HEATR4: variants seen among roughly 807,000 people sequenced by gnomAD.
HEATR4 encodes HEAT repeat-containing protein 4.
Under a neutral mutation model 108.8 loss-of-function variants are expected in HEATR4, and 95 were observed. The observed-to-expected ratio is 0.87, with a 90% CI of 0.74 to 1.04. The LOEUF (loss-of-function observed/expected upper bound fraction) is 1.04. Ranked by LOEUF, HEATR4 falls within the 50% of genes least tolerant of loss-of-function variation. The pLI, the probability that HEATR4 is intolerant of heterozygous loss-of-function variation, is 0.00. For synonymous variants in HEATR4, 443 were observed against 459.4 expected, an observed-to-expected ratio of 0.96 and a Z score of 0.46; for missense variants, 1,152 against 1,253.8, an observed-to-expected ratio of 0.92 and a Z score of 1.23.
intron 15 of HEATR4, among the ~76,000 whole-genome samples, chr14:73,495,607 G>T (rs1211350320): frequency 6.6e-6 from 1 of 151,674 alleles, no homozygotes; most frequent in Non-Finnish European, 1.5e-5. Context: ...GTAACTAATT[G>T]CATATGCTTA....
At chr14:73,595,286 G>A in the HEATR4 span, 48 of 1,614,072 alleles carry the variant, frequency 3.0e-5, no homozygotes, top group Non-Finnish European at 3.6e-5. Context: ...GAATGCTCTC[G>A]TAGGAGGGTA....
the HEATR4 span, among the ~76,000 whole-genome samples, chr14:73,587,423 G>A: frequency 6.6e-6 from 1 of 151,840 alleles, no homozygotes; most frequent in African/African-American, 2.4e-5. Flanking sequence ...TGCCATCTTG[G>A]TTCACTGCCA....
At chr14:73,491,799 A>C in intron 17 of HEATR4, 1 of 1,595,294 alleles carries the variant, frequency 6.3e-7, no homozygotes, top group Non-Finnish European at 8.5e-7. Flanking sequence ...TTCGGCCAGC[A>C]TTTGGACGCC....
At position 73,532,774 on chromosome 14, in the gene HEATR4, A is replaced by G. The variant is rs1297503562; in HGVS notation, c.-151-2530T>C. On this transcript the variant is annotated intron_variant, in intron 1 of 17. Coordinates refer to ENST00000553558, the MANE Select transcript of HEATR4 (RefSeq NM_001220484.1). ...TTGAAACCATCCTAGCTAACACAGT[A>G]AAACCCCATCTCTACTAAAACATAC... 1.0e-3 allele frequency among the ~76,000 whole-genome samples: 118 copies of G among 113,458 alleles called. 23 individuals are homozygous for G. Among genetic ancestry groups the G allele is most frequent in the African/African-American group, 2.6e-3 (91 of 34,940 alleles). 74.4% of individuals were successfully genotyped at this position (113,458 alleles called of 152,430 possible). A position where few individuals can be genotyped will look rare whatever the true frequency, so the allele number is the denominator to read the frequency against.
At chr14:73,586,020 C>G in the HEATR4 span, among the ~76,000 whole-genome samples, 1 of 133,768 alleles carries the variant, frequency 7.5e-6, no homozygotes, top group Non-Finnish European at 1.6e-5. Flanking sequence ...AAAAAAAAAA[C>G]CAAAAAAAAA....
intron 4 of HEATR4, 39 bp downstream of exon 4, chr14:73,520,813 T>TC (rs770443828): frequency 1.3e-6 from 2 of 1,566,982 alleles, no homozygotes; most frequent in South Asian, 2.3e-5. Context: ...CTGGCCCATG[T>TC]CCCCGTGTGC....
intron 17 of HEATR4, among the ~76,000 whole-genome samples, chr14:73,486,272 C>A (rs1402008876): frequency 6.6e-6 from 1 of 152,196 alleles, no homozygotes; most frequent in African/African-American, 2.4e-5. Flanking sequence ...TGCTAAATGA[C>A]CCCTGGGGGT....
At chr14:73,585,781 G>GA in the HEATR4 span, among the ~76,000 whole-genome samples, 47,987 of 140,930 alleles carry the variant, frequency 0.34, 9,379 homozygotes, top group East Asian at 0.64. Context: ...GGAAGGGAAT[G>GA]AAAAAAAAAA....
the HEATR4 span, among the ~76,000 whole-genome samples, chr14:73,599,265 A>C: frequency 6.6e-6 from 1 of 152,186 alleles, no homozygotes; most frequent in Non-Finnish European, 1.5e-5. Context: ...AGCCCTGTCC[A>C]AACTGCAGAT....
rs1889366766 is a variant in HEATR4, at chr14:73,554,290, A to G, written c.-152+4461T>C. Among the ~76,000 whole-genome samples, 2 of 115,490 alleles carry G rather than the reference A, an allele frequency of 1.7e-5. 1 individual carries two copies. The highest frequency in any genetic ancestry group is 1.3e-3 in the East Asian group (2 of 1,504). 75.8% of individuals were successfully genotyped at this position (115,490 alleles called of 152,430 possible). On this transcript the variant is annotated intron_variant, in intron 1 of 17. Coordinates refer to ENST00000553558, the MANE Select transcript of HEATR4 (RefSeq NM_001220484.1). Reference sequence around the variant, plus strand: ...GAGATATTGGATTAGGCAGTCAAAAAAACCAAGCAAGCATAAAAGGTCAAT... The same window carrying G: ...GAGATATTGGATTAGGCAGTCAAAAGAACCAAGCAAGCATAAAAGGTCAAT...
At chr14:73,509,611 A>C in intron 7 of HEATR4, 138 bp from the exon 8 acceptor site, 2 of 814,904 alleles carry the variant, frequency 2.5e-6, no homozygotes, top group Non-Finnish European at 3.8e-6. Context: ...ATTACAGTTT[A>C]GCTGAGCCCT....
chr14:73,627,198 C>G, the HEATR4 span, among the ~76,000 whole-genome samples: 1 of 151,736 alleles, frequency 6.6e-6, no homozygotes, highest in Non-Finnish European at 1.5e-5. Flanking sequence ...AGAAGTCTAT[C>G]CCTGGTGCAA....
intron 17 of HEATR4, among the ~76,000 whole-genome samples, chr14:73,489,735 G>A (rs150755305): frequency 1.5e-4 from 23 of 152,298 alleles, no homozygotes; most frequent in African/African-American, 4.8e-4. Flanking sequence ...AGCCAAAGAA[G>A]TTGTAGCTAA....
intron 9 of HEATR4, among the ~76,000 whole-genome samples, chr14:73,506,989 C>T (rs1389280133): frequency 6.6e-6 from 1 of 151,572 alleles, no homozygotes; most frequent in South Asian, 2.1e-4. Context: ...TTAGTAGAGG[C>T]GGGGTTTTAC....
chr14:73,524,308 A>ATATATATATATATATAT (rs1463658661), intron 2 of HEATR4, among the ~76,000 whole-genome samples: 6 of 83,570 alleles, frequency 7.2e-5, no homozygotes, highest in South Asian at 4.4e-4. Flanking sequence ...AAAAAAAAAA[A>ATATATATATATATATAT]AAATATATAT....
chr14:73,541,512 C>A (rs201966235), intron 1 of HEATR4: 1 of 1,236,416 alleles, frequency 8.1e-7, no homozygotes, highest in African/African-American at 1.7e-5. Flanking sequence ...CCTTTCCTGG[C>A]ATTGTGGACA....
intron 17 of HEATR4, among the ~76,000 whole-genome samples, chr14:73,487,521 T>C (rs913693374): frequency 6.6e-6 from 1 of 152,168 alleles, no homozygotes; most frequent in Non-Finnish European, 1.5e-5. Flanking sequence ...TGGGCCAAGA[T>C]AGCACCACTG....
chr14:73,492,865 G>A lies in HEATR4; in HGVS notation c.2844+201C>T. Reference sequence around the variant, plus strand: ...TGGGGGACCTGCCCTGTGACAGTGTGGAGGACCAGCTGTCCTTGGCAACCA... The same window carrying A: ...TGGGGGACCTGCCCTGTGACAGTGTAGAGGACCAGCTGTCCTTGGCAACCA... On this transcript the variant is annotated intron_variant, in intron 17 of 17. Coordinates refer to ENST00000553558, the MANE Select transcript of HEATR4 (RefSeq NM_001220484.1). This position sits in a 1 kb window ranked among gnomAD's most constrained non-coding sequence, Gnocchi z 4.9. 6.2e-7 allele frequency: 1 copy of A among 1,613,924 alleles called. No individual in the cohort carries two copies. The highest frequency in any genetic ancestry group is 8.5e-7 in the Non-Finnish European group (1 of 1,179,870).
the HEATR4 span, among the ~76,000 whole-genome samples, chr14:73,629,131 G>C: frequency 6.6e-6 from 1 of 151,928 alleles, no homozygotes; most frequent in Non-Finnish European, 1.5e-5. Context: ...TAGTGAGTCT[G>C]TGGCCTTCAA....
Sources: allele counts gnomAD v4.1 joint callset (sites outside exome capture counted in the v4.1 genomes callset), GRCh38; gene constraint gnomAD v4.1.1; non-coding constraint Gnocchi (gnomAD v3.1); transcripts MANE v1.5; gene names NCBI Gene and HGNC (gene_info 2026-07-23, HGNC 2026-07-21).